CR1L: variants seen among roughly 807,000 people sequenced by gnomAD.
CR1L encodes complement C3b/C4b receptor 1 like.
CR1L carries 59 observed loss-of-function variants against 62.3 expected under a neutral mutation model. That is an observed-to-expected ratio of 0.95 (90% CI 0.77 to 1.18). The LOEUF (loss-of-function observed/expected upper bound fraction) is 1.18. Ranked by LOEUF, CR1L falls within the 50% of genes most tolerant of loss-of-function variation. The pLI is 0.00. For synonymous variants in CR1L, 279 were observed against 248.7 expected, an observed-to-expected ratio of 1.12 and a Z score of -1.15; for missense variants, 700 against 702.8, an observed-to-expected ratio of 1.00 and a Z score of 0.04.
chr1:207,695,256 G>T (rs1169242953), intron 5 of CR1L, among the ~76,000 whole-genome samples: 3 of 152,082 alleles, frequency 2.0e-5, no homozygotes, highest in Non-Finnish European at 4.4e-5. Flanking sequence ...CTCCCAAGCA[G>T]CTGGGACTAC....
chr1:207,708,146 C>A (rs34277355), intron 9 of CR1L, 32 bp from the exon 10 acceptor site: 939,045 of 1,598,840 alleles, frequency 0.59, 281,703 homozygotes, highest in East Asian at 0.87. Context: ...GAGGTATGTA[C>A]AGCACAATTA....
intron 10 of CR1L, among the ~76,000 whole-genome samples, chr1:207,712,806 G>A (rs1295404609): frequency 2.0e-5 from 3 of 152,196 alleles, no homozygotes; most frequent in Non-Finnish European, 4.4e-5. Flanking sequence ...CCTCATGGCC[G>A]TGTGCTGTTT....
intron 2 of CR1L, 68 bp from the exon 3 acceptor site, chr1:207,678,130 G>A: frequency 7.2e-7 from 1 of 1,387,420 alleles, no homozygotes; most frequent in Non-Finnish European, 1.0e-6. Context: ...GGCAGGTTGA[G>A]ACCTTATGTA....
rs148937139 is a variant in CR1L at position 207,695,472 on chromosome 1, A to C, written c.862+721A>C. 7.9e-5 allele frequency among the ~76,000 whole-genome samples: 12 copies of C among 152,222 alleles called. No homozygotes were observed. In the East Asian group the frequency reaches 2.3e-3, roughly 29 times the overall value. ...AAATGTGCCTTAGAGAAATCGGATAACTTTCTAAGATATTAACTTGCAGAC... is the reference window on the plus strand; with the variant it reads ...AAATGTGCCTTAGAGAAATCGGATACCTTTCTAAGATATTAACTTGCAGAC... On this transcript the variant is annotated intron_variant, in intron 5 of 11. Coordinates refer to ENST00000508064, the MANE Select transcript of CR1L (RefSeq NM_175710.2).
Position 207,694,375 on chromosome 1 carries a change from C to T in CR1L, c.486C>T (p.Pro162=), listed in dbSNP as rs767539104. The T allele has an allele frequency of 5.6e-6, 9 of 1,613,992 alleles. No homozygotes were observed. The highest frequency in any genetic ancestry group is 4.4e-5 in the South Asian group (4 of 91,064). ...VCDRIICGLP[P]TIANGDFTSI... ...CAGGAATTATTTGTGGGCTACCCCCCACCATCGCCAATGGAGATTTCACTA... is the reference window on the plus strand; with the variant it reads ...CAGGAATTATTTGTGGGCTACCCCCTACCATCGCCAATGGAGATTTCACTA... Residue 162 remains proline (P), a synonymous_variant, in exon 5 of 12, where the codon CCC becomes CCT. Coordinates refer to ENST00000508064, the MANE Select transcript of CR1L (RefSeq NM_175710.2).
At chr1:207,684,640 T>C (rs1663867444) in intron 4 of CR1L, among the ~76,000 whole-genome samples, 2 of 152,104 alleles carry the variant, frequency 1.3e-5, no homozygotes, top group African/African-American at 4.8e-5. Context: ...AAAATAAGTA[T>C]ATCCATACAC....
chr1:207,647,492 C>CT (rs1163705074), intron 1 of CR1L, among the ~76,000 whole-genome samples: 1 of 152,240 alleles, frequency 6.6e-6, no homozygotes, highest in East Asian at 1.9e-4. Flanking sequence ...TTTCTGTTCT[C>CT]TGTCTCTCCC....
intron 10 of CR1L, among the ~76,000 whole-genome samples, chr1:207,711,678 G>A (rs1664360275): frequency 1.3e-5 from 2 of 152,178 alleles, no homozygotes; most frequent in South Asian, 2.1e-4. Flanking sequence ...AGGCCAAGAT[G>A]GGCAGATCAC....
intron 1 of CR1L, among the ~76,000 whole-genome samples, chr1:207,663,927 C>T (rs1189523805): frequency 6.6e-6 from 1 of 152,228 alleles, no homozygotes; most frequent in Non-Finnish European, 1.5e-5. Flanking sequence ...CAGAACACGA[C>T]CTATATTTCT....
At chr1:207,708,557 T>G (rs1664306236) in intron 10 of CR1L, among the ~76,000 whole-genome samples, 1 of 152,262 alleles carries the variant, frequency 6.6e-6, no homozygotes, top group South Asian at 2.1e-4. Context: ...GAGCATTTTC[T>G]TTGGTGAAGT....
chr1:207,647,770 T>G (rs554901612), intron 1 of CR1L, among the ~76,000 whole-genome samples: 53 of 152,210 alleles, frequency 3.5e-4, no homozygotes, highest in Non-Finnish European at 6.8e-4. Context: ...AGAAAGGATC[T>G]GTCTCCCCTG....
At position 207,677,384 on chromosome 1, in the gene CR1L, C is replaced by T. The variant is rs771073527; in HGVS notation, c.98-5C>T. ...CTTCGATGCTGCTGTGGTCTTGATC[C>T]CCAGATCAATGCAATGTCCCGGAAT... is the stretch of plus-strand genomic sequence containing the variant. On this transcript the variant is annotated splice_region_variant and splice_polypyrimidine_tract_variant and intron_variant, in intron 1 of 11. Transcript: ENST00000508064. 3.1e-6 allele frequency: 5 copies of T among 1,594,542 alleles called. No individual in the cohort carries two copies. In the East Asian group the frequency reaches 9.1e-5, roughly 29 times the overall value.
At chr1:207,648,640 T>C (rs1392718577) in intron 1 of CR1L, among the ~76,000 whole-genome samples, 2 of 152,176 alleles carry the variant, frequency 1.3e-5, no homozygotes, top group Non-Finnish European at 2.9e-5. Context: ...AGGAGCTGCT[T>C]TTTTGGACAA....
chr1:207,664,196 C>T (rs983576033), intron 1 of CR1L, among the ~76,000 whole-genome samples: 7 of 152,194 alleles, frequency 4.6e-5, no homozygotes, highest in African/African-American at 1.4e-4. Context: ...GTTTCACTTT[C>T]CTTGCAGCAG....
At chr1:207,715,319 T>C in intron 10 of CR1L, 6 of 1,588,120 alleles carry the variant, frequency 3.8e-6, no homozygotes, top group Non-Finnish European at 4.3e-6. Flanking sequence ...TAGGTTCTGA[T>C]TAAAAGGCAG....
At chr1:207,672,467 A>C (rs1276830321) in intron 1 of CR1L, among the ~76,000 whole-genome samples, 1 of 151,566 alleles carries the variant, frequency 6.6e-6, no homozygotes, top group Non-Finnish European at 1.5e-5. Context: ...CTGATATCAG[A>C]AAAGATAAAG....
At chr1:207,657,445 T>G (rs1323955696) in intron 1 of CR1L, 1 of 557,288 alleles carries the variant, frequency 1.8e-6, no homozygotes, top group Non-Finnish European at 3.2e-6. Flanking sequence ...TCTAATTTAT[T>G]TTAATACAGG....
intron 1 of CR1L, among the ~76,000 whole-genome samples, chr1:207,656,194 C>T (rs1235832637): frequency 1.7e-4 from 26 of 152,134 alleles, no homozygotes; most frequent in African/African-American, 5.8e-4. Flanking sequence ...GCCGAGATCG[C>T]GCCACTGCAC....
intron 1 of CR1L, chr1:207,652,929 G>A (rs1571641881): frequency 3.6e-6 from 1 of 281,452 alleles, no homozygotes; most frequent in East Asian, 8.5e-5. Context: ...AGATTGCCTG[G>A]GTGAACATGA....
Sources: allele counts gnomAD v4.1 joint callset (sites outside exome capture counted in the v4.1 genomes callset), GRCh38; gene constraint gnomAD v4.1.1; transcripts MANE v1.5; gene names NCBI Gene and HGNC (gene_info 2026-07-23, HGNC 2026-07-21).